CSNK2A2IP: variants seen among roughly 807,000 people sequenced by gnomAD.
The protein encoded by CSNK2A2IP is casein kinase II subunit alpha'-interacting protein.
the CSNK2A2IP span, among the ~76,000 whole-genome samples, chr3:88,355,240 G>A: frequency 6.6e-6 from 1 of 152,114 alleles, no homozygotes; most frequent in African/African-American, 2.4e-5. Flanking sequence ...ATTGAGTTTA[G>A]ACTATAATTT....
chr3:88,357,763 G>GC, the CSNK2A2IP span, among the ~76,000 whole-genome samples: 1 of 150,806 alleles, frequency 6.6e-6, no homozygotes, highest in Non-Finnish European at 1.5e-5. Context: ...TTCATCAATG[G>GC]TTTTTTTTTG....
At chr3:88,409,259 G>C in the CSNK2A2IP span, among the ~76,000 whole-genome samples, 8 of 151,764 alleles carry the variant, frequency 5.3e-5, no homozygotes, top group Admixed American at 6.6e-5. Flanking sequence ...TTCTATTTCC[G>C]TTTTTGCTTC....
At chr3:88,461,412 G>A in the CSNK2A2IP span, among the ~76,000 whole-genome samples, 2,014 of 152,110 alleles carry the variant, frequency 0.013, 35 homozygotes, top group African/African-American at 0.047. Context: ...AATTAGCCGG[G>A]CGTGGTGGTG....
chr3:88,449,120 G>T, the CSNK2A2IP span, among the ~76,000 whole-genome samples: 3 of 151,596 alleles, frequency 2.0e-5, no homozygotes. Context: ...TAACATACAT[G>T]ATGTATGAGA....
the CSNK2A2IP span, among the ~76,000 whole-genome samples, chr3:88,441,056 A>G: frequency 2.0e-5 from 3 of 152,318 alleles, no homozygotes; most frequent in South Asian, 2.1e-4. Context: ...GTAGAATTTA[A>G]TAAGTGGCTA....
chr3:88,354,687 C>A, the CSNK2A2IP span, among the ~76,000 whole-genome samples: 1 of 151,860 alleles, frequency 6.6e-6, no homozygotes, highest in African/African-American at 2.4e-5. Flanking sequence ...GTTTTAATAG[C>A]AAATGAACAT....
At chr3:88,356,732 CTT>C in the CSNK2A2IP span, among the ~76,000 whole-genome samples, 1 of 151,824 alleles carries the variant, frequency 6.6e-6, no homozygotes, top group Admixed American at 6.6e-5. Context: ...GAGTGTTCCC[CTT>C]TTTTTTCCAC....
the CSNK2A2IP span, among the ~76,000 whole-genome samples, chr3:88,409,311 C>G: frequency 6.6e-6 from 1 of 152,010 alleles, no homozygotes; most frequent in African/African-American, 2.4e-5. Flanking sequence ...TGTCTTCTGT[C>G]CTATTCCAAG....
chr3:88,430,655 G>A, the CSNK2A2IP span, among the ~76,000 whole-genome samples: 1 of 151,808 alleles, frequency 6.6e-6, no homozygotes, highest in African/African-American at 2.4e-5. Context: ...TTTAGAAGGA[G>A]AAAATAAAGC....
At chr3:88,342,021 A>G in the CSNK2A2IP span, among the ~76,000 whole-genome samples, 494 of 152,122 alleles carry the variant, frequency 3.2e-3, 3 homozygotes, top group African/African-American at 0.011. Context: ...CATATATACT[A>G]GTATAAATTT....
chr3:88,381,551 T>C, the CSNK2A2IP span, among the ~76,000 whole-genome samples: 1 of 152,214 alleles, frequency 6.6e-6, no homozygotes, highest in African/African-American at 2.4e-5. Flanking sequence ...AAGGCATTCA[T>C]GGCCTAGCCT....
At chr3:88,413,814 CA>C in the CSNK2A2IP span, among the ~76,000 whole-genome samples, 1 of 151,734 alleles carries the variant, frequency 6.6e-6, no homozygotes, top group Non-Finnish European at 1.5e-5. Flanking sequence ...ATTAATAATG[CA>C]AAACCCCAAC....
chr3:88,364,313 G>C, the CSNK2A2IP span, among the ~76,000 whole-genome samples: 1 of 151,476 alleles, frequency 6.6e-6, no homozygotes, highest in African/African-American at 2.4e-5. Context: ...CAGGTGGGAT[G>C]GTAAATCTAG....
At chr3:88,345,490 C>A in the CSNK2A2IP span, among the ~76,000 whole-genome samples, 1 of 152,062 alleles carries the variant, frequency 6.6e-6, no homozygotes, top group Non-Finnish European at 1.5e-5. Flanking sequence ...CTATCAGTGC[C>A]ATTTTTTCAT....
At chr3:88,383,749 C>T in the CSNK2A2IP span, among the ~76,000 whole-genome samples, 4 of 151,286 alleles carry the variant, frequency 2.6e-5, no homozygotes, top group Admixed American at 1.3e-4. Context: ...CTGCAACCTC[C>T]GCCTCCCCGG....
chr3:88,366,608 A>G, the CSNK2A2IP span, among the ~76,000 whole-genome samples: 74 of 152,184 alleles, frequency 4.9e-4, no homozygotes, highest in Admixed American at 1.2e-3. Context: ...CTTTAATTGG[A>G]GTGTTAAAGT....
the CSNK2A2IP span, chr3:88,465,212 G>T: frequency 2.3e-5 from 10 of 438,304 alleles, 1 homozygote; most frequent in African/African-American, 2.0e-4. Flanking sequence ...TAATATTTGA[G>T]AATTAACAGA....
At chr3:88,349,587 C>T in the CSNK2A2IP span, among the ~76,000 whole-genome samples, 3 of 152,030 alleles carry the variant, frequency 2.0e-5, no homozygotes, top group Non-Finnish European at 2.9e-5. Flanking sequence ...AATTGAGCTG[C>T]TATAAACATG....
At chr3:88,401,863 G>C in the CSNK2A2IP span, among the ~76,000 whole-genome samples, 10 of 151,902 alleles carry the variant, frequency 6.6e-5, no homozygotes, top group Non-Finnish European at 8.8e-5. Flanking sequence ...GCAAACAGAA[G>C]GATTTCCAAG....
Sources: gnomAD v4.1 joint callset for allele counts (sites outside exome capture counted in the v4.1 genomes callset) on GRCh38, gnomAD v4.1.1 for gene constraint, MANE v1.5 for transcripts, NCBI Gene and HGNC (gene_info 2026-07-23, HGNC 2026-07-21) for gene names.